Variants in TRIM47 observed in about 807,000 individuals in gnomAD.
TRIM47 encodes the protein tripartite motif containing 47, also known as E3 ubiquitin-protein ligase TRIM47.
In TRIM47, 46 loss-of-function variants were observed where a neutral mutation model predicts 54.4. The ratio of observed to expected loss-of-function variants is 0.84; its 90% CI spans 0.67 to 1.08. The LOEUF is 1.08. TRIM47 is among the 50% of genes least tolerant of loss of function. The pLI, the probability that TRIM47 is intolerant of heterozygous loss-of-function variation, is 0.00. For missense variants in TRIM47, 825 were observed against 910.1 expected (o/e 0.91, Z 1.20); for synonymous variants, 392 against 410.2 (o/e 0.96, Z 0.54).
At chr17:75,876,967 C>G (rs1164629340) in intron 1 of TRIM47, 154 bp from the exon 2 acceptor site, 10 of 698,446 alleles carry the variant, frequency 1.4e-5, no homozygotes, top group African/African-American at 1.8e-5. Flanking sequence ...CCATAATATG[C>G]CAGAGGTGCC....
At position 75,875,922 on chromosome 17, in the gene TRIM47, G is replaced by A. The variant is rs1464124430; in HGVS notation, c.1180C>T (p.Pro394Ser). 2 of 1,612,132 alleles carry A rather than the reference G, an allele frequency of 1.2e-6. No individual in the cohort carries two copies. Among genetic ancestry groups the A allele is most frequent in the African/African-American group, 2.7e-5 (2 of 75,062 alleles). Reference sequence around the variant, plus strand: ...CCACCTTCCGAGTCCAGCTTCTGTGGCCCATCCTCGTTGCCACCCGGCCCC... The same window carrying A: ...CCACCTTCCGAGTCCAGCTTCTGTGACCCATCCTCGTTGCCACCCGGCCCC... ...LRGPGGNEDGPQKLDSEADAE... is the reference protein window; with the variant it reads ...LRGPGGNEDGSQKLDSEADAE... The change falls in exon 4 of 6, where the codon CCA becomes TCA. Residue 394 changes from proline to serine, a missense_variant. Transcript: ENST00000254816. The surrounding 1 kb of genome is among the most constrained non-coding windows in gnomAD (Gnocchi z 6.1).
rs1297002009 is a variant in TRIM47, at chr17:75,878,385, G to A, written c.164C>T (p.Pro55Leu). The stretch of plus-strand genomic sequence containing the variant: ...GTCGGGGAAGGGCTCCTGGCACAGC[G>A]GGCAGCGGGCCGCGCCTCCGGGTCC... ...AGGPGGAARCPLCQEPFPDGL... is the reference protein window; with the variant it reads ...AGGPGGAARCLLCQEPFPDGL... Residue 55 changes from proline (P) to leucine (L), a missense_variant, in exon 1 of 6, where the codon CCG becomes CTG. By Grantham distance (98) the Pro-to-Leu change is moderately conservative. Coordinates refer to ENST00000254816, the MANE Select transcript of TRIM47 (RefSeq NM_033452.3). The A allele has an allele frequency of 7.1e-7, 1 of 1,411,672 alleles. No individual in the cohort carries two copies. The allele number at this position is 1,411,672 out of a possible 1,614,324, so 87.4% of individuals were successfully genotyped here. A position where few individuals can be genotyped will look rare whatever the true frequency, so the allele number is the denominator to read the frequency against.
Position 75,874,561 on chromosome 17 carries a change from G to T in TRIM47, c.1839C>A (p.Phe613Leu). ...GLFTHRLKPA[F>L]FLESVDAHLQ... is the part of the protein sequence containing the mutation. ...AGTGGGCGTCCACACTCTCCAGGAA[G>T]AAGGCAGGCTTGAGTCTGTGGGTGA... The change falls in exon 6 of 6, where the codon TTC (phenylalanine) becomes TTA (leucine). Residue 613 changes from phenylalanine to leucine, a missense_variant. Phe to Leu is a conservative substitution (Grantham distance 22). Coordinates refer to ENST00000254816, the MANE Select transcript of TRIM47 (RefSeq NM_033452.3). The surrounding 1 kb of genome is among the most constrained non-coding windows in gnomAD (Gnocchi z 6.2). 1.3e-6 allele frequency: 2 copies of T among 1,528,736 alleles called. No individual in the cohort carries two copies. Among genetic ancestry groups the T allele is most frequent in the Non-Finnish European group, 1.8e-6 (2 of 1,139,240 alleles). The allele number at this position is 1,528,736 out of a possible 1,614,324, so 94.7% of individuals were successfully genotyped here.
chr17:75,876,854 G>A lies in TRIM47; in HGVS notation c.676-41C>T, dbSNP rs377136760. 2.1e-5 allele frequency: 34 copies of A among 1,597,960 alleles called. No individual in the cohort carries two copies. In the African/African-American group the frequency reaches 3.8e-4, roughly 18 times the overall value. On this transcript the variant is annotated intron_variant, in intron 1 of 5. Coordinates refer to ENST00000254816, the MANE Select transcript of TRIM47 (RefSeq NM_033452.3). The stretch of plus-strand genomic sequence containing the variant: ...TCCATGAGTGTGAGGTCTGGCAGAG[G>A]CCACAGCCCTACACTCGGGTCCCAG...
At chr17:75,877,840 C>T in intron 1 of TRIM47, 34 bp downstream of exon 1, 1 of 1,299,290 alleles carries the variant, frequency 7.7e-7, no homozygotes, top group South Asian at 2.2e-5. Context: ...CGGTCACCAG[C>T]CCCGGCTCAC....
rs2065149227 is a variant in TRIM47 at position 75,878,423 on chromosome 17, C to T, written c.126G>A (p.Ala42=). 2 of 1,430,210 alleles carry T rather than the reference C, an allele frequency of 1.4e-6. No individual in the cohort carries two copies. The highest frequency in any genetic ancestry group is 1.8e-6 in the Non-Finnish European group (2 of 1,083,310). 88.6% of individuals were successfully genotyped at this position (1,430,210 alleles called of 1,614,324 possible). Residue 42 remains alanine, a synonymous_variant, in exon 1 of 6, where the codon GCG becomes GCA. Transcript: ENST00000254816. ...CLGALWPHRG[A]SGAGGPGGAA... ...CGCCTCCGGGTCCGCCGGCTCCACTCGCGCCACGATGCGGCCAGAGCGCGC... is the reference window on the plus strand; with the variant it reads ...CGCCTCCGGGTCCGCCGGCTCCACTTGCGCCACGATGCGGCCAGAGCGCGC...
rs144368754 is a variant in TRIM47 at position 75,876,787 on chromosome 17, G to T, written c.702C>A (p.Ala234=). 76 of 1,614,046 alleles carry T rather than the reference G, an allele frequency of 4.7e-5. No individual in the cohort carries two copies. Among genetic ancestry groups the T allele is most frequent in the Non-Finnish European group, 6.4e-5 (76 of 1,180,040 alleles). The change falls in exon 2 of 6, where the codon GCC becomes GCA. Residue 234 remains alanine (A), a synonymous_variant. Transcript: ENST00000254816. ...CCAGCTCGTCCATGCGGTCCTCCAC[G>T]GCGCTCAGGACTTTGGACTGCTCAG... ...QEAEQSKVLS[A]VEDRMDELGA... is the part of the protein sequence containing the mutation.
In TRIM47 at chr17:75,877,189, G is replaced by A. The variant is rs1298810500; in HGVS notation, c.676-376C>T. 1.8e-5 allele frequency: 5 copies of A among 285,018 alleles called. No individual in the cohort carries two copies. The East Asian group carries it at 3.6e-4, about 20-fold the overall frequency. The allele number at this position is 285,018 out of a possible 1,614,324, so 17.7% of individuals were successfully genotyped here. ...GGCGGCGGAGGGGTGACTGCACAAG[G>A]AGGCATTAAGCTGTCCTGAGGATCA... On this transcript the variant is annotated intron_variant, in intron 1 of 5. Coordinates refer to ENST00000254816, the MANE Select transcript of TRIM47 (RefSeq NM_033452.3).
Position 75,875,077 on chromosome 17 carries a change from C to T in TRIM47, c.1323G>A (p.Leu441=), listed in dbSNP as rs1398477144. 6.2e-7 allele frequency: 1 copy of T among 1,609,140 alleles called. No individual in the cohort carries two copies. Among genetic ancestry groups the T allele is most frequent in the Non-Finnish European group, 8.5e-7 (1 of 1,176,158 alleles). The part of the protein sequence containing the change: ...DLDSDTADKF[L]QLFGTKGVKR... The stretch of plus-strand genomic sequence containing the variant: ...TGACACCTTTGGTTCCAAACAGCTG[C>T]AGGAACTTGTCTGCTGTGTCGCTGT... Residue 441 remains leucine, a synonymous_variant, in exon 6 of 6, where the codon CTG becomes CTA. Transcript: ENST00000254816. The surrounding 1 kb of genome is among the most constrained non-coding windows in gnomAD (Gnocchi z 6.1).
At chr17:75,877,191 G>T in intron 1 of TRIM47, 1 of 279,054 alleles carries the variant, frequency 3.6e-6, no homozygotes, top group Non-Finnish European at 7.1e-6. Context: ...TGCACAAGGA[G>T]GCATTAAGCT....
At position 75,875,130 on chromosome 17, in the gene TRIM47, C is replaced by G; in HGVS notation, c.1277-7G>C. On this transcript the variant is annotated splice_region_variant and splice_polypyrimidine_tract_variant and intron_variant, in intron 5 of 5. Coordinates refer to ENST00000254816, the MANE Select transcript of TRIM47 (RefSeq NM_033452.3). This position sits in a 1 kb window ranked among gnomAD's most constrained non-coding sequence, Gnocchi z 6.1. ...AAATCCACAATATAGGCAACTGATC[C>G]CGTGGACAGAAGAGAGAGGCAGGGC... 6.3e-7 allele frequency: 1 copy of G among 1,580,402 alleles called. No homozygotes were observed. Among genetic ancestry groups the G allele is most frequent in the Non-Finnish European group, 8.6e-7 (1 of 1,160,074 alleles).
chr17:75,874,421 G>A lies in TRIM47; in HGVS notation c.*62C>T, dbSNP rs2065118793. 1 of 1,447,074 alleles carries A rather than the reference G, an allele frequency of 6.9e-7. No individual in the cohort carries two copies. Among genetic ancestry groups the A allele is most frequent in the Non-Finnish European group, 9.2e-7 (1 of 1,091,470 alleles). 89.6% of individuals were successfully genotyped at this position (1,447,074 alleles called of 1,614,324 possible). The stretch of plus-strand genomic sequence containing the variant: ...TGCTGGTGCCTTCCCAGACGAAGGA[G>A]AGGGCCCAGAGGAGGCAGCTTCCTG... On this transcript the variant is annotated 3_prime_UTR_variant, in exon 6 of 6. Coordinates refer to ENST00000254816, the MANE Select transcript of TRIM47 (RefSeq NM_033452.3). The surrounding 1 kb of genome is among the most constrained non-coding windows in gnomAD (Gnocchi z 6.2).
At chr17:75,876,913 A>G in intron 1 of TRIM47, 100 bp from the exon 2 acceptor site, 1 of 1,161,162 alleles carries the variant, frequency 8.6e-7, no homozygotes, top group Non-Finnish European at 1.2e-6. Context: ...GTGACTGGGG[A>G]GTGGTATCTG....
Position 75,876,802 on chromosome 17 carries a change from G to A in TRIM47, c.687C>T (p.Ser229=), listed in dbSNP as rs772108437. 4.3e-6 allele frequency: 7 copies of A among 1,614,028 alleles called. No individual in the cohort carries two copies. Among genetic ancestry groups the A allele is most frequent in the Non-Finnish European group, 5.9e-6 (7 of 1,180,020 alleles). The change falls in exon 2 of 6, where the codon TCC becomes TCT. Residue 229 remains serine (S), a synonymous_variant. Transcript: ENST00000254816. The part of the protein sequence containing the change: ...QERALQEAEQ[S]KVLSAVEDRM... Reference sequence around the variant, plus strand: ...GGTCCTCCACGGCGCTCAGGACTTTGGACTGCTCAGCCTGTGGACAACACC... The same window carrying A: ...GGTCCTCCACGGCGCTCAGGACTTTAGACTGCTCAGCCTGTGGACAACACC...
Position 75,877,859 on chromosome 17 carries a change from GCC to G in TRIM47, c.675+13_675+14del, listed in dbSNP as rs1227115465. 3.8e-6 allele frequency: 5 copies of G among 1,313,210 alleles called. No individual in the cohort carries two copies. Among genetic ancestry groups the G allele is most frequent in the Admixed American group, 4.0e-5 (1 of 25,058 alleles). 81.3% of individuals were successfully genotyped at this position (1,313,210 alleles called of 1,614,324 possible). A position where few individuals can be genotyped will look rare whatever the true frequency, so the allele number is the denominator to read the frequency against. On this transcript the variant is annotated intron_variant, in intron 1 of 5. Coordinates refer to ENST00000254816, the MANE Select transcript of TRIM47 (RefSeq NM_033452.3). ...CACCAGCCCCGGCTCACCCGAGTGT[GCC>G]CCCGGAGCCCACCTCCTGAAGCGCG...
chr17:75,878,463 C>G lies in TRIM47; in HGVS notation c.86G>C (p.Cys29Ser). The part of the protein sequence containing the change: ...PVTLPCGHNF[C>S]LACLGALWPH... Reference sequence around the variant, plus strand: ...CCAGAGCGCGCCCAGGCAGGCGAGACAGAAGTTGTGGCCGCAGGGCAGCGT... The same window carrying G: ...CCAGAGCGCGCCCAGGCAGGCGAGAGAGAAGTTGTGGCCGCAGGGCAGCGT... Residue 29 changes from cysteine (C) to serine (S), a missense_variant, in exon 1 of 6, where the codon TGT becomes TCT. Cys to Ser is a moderately radical substitution (Grantham distance 112). Coordinates refer to ENST00000254816, the MANE Select transcript of TRIM47 (RefSeq NM_033452.3). 7.0e-7 allele frequency: 1 copy of G among 1,424,370 alleles called. No homozygotes were observed. The highest frequency in any genetic ancestry group is 9.3e-7 in the Non-Finnish European group (1 of 1,077,570). 88.2% of individuals were successfully genotyped at this position (1,424,370 alleles called of 1,614,324 possible). A position where few individuals can be genotyped will look rare whatever the true frequency, so the allele number is the denominator to read the frequency against.
In TRIM47 at chr17:75,875,574, G is replaced by T; in HGVS notation, c.1202-100C>A. On this transcript the variant is annotated intron_variant, in intron 4 of 5. Transcript: ENST00000254816. The surrounding 1 kb of genome is among the most constrained non-coding windows in gnomAD (Gnocchi z 6.1). ...CCTTCACTTCCTCCCAGAGTCCAGA[G>T]CCACCAGGGAGCAAGCACCACCCAG... 3 of 1,115,828 alleles carry T rather than the reference G, an allele frequency of 2.7e-6. No homozygotes were observed. The highest frequency in any genetic ancestry group is 2.4e-5 in the East Asian group (1 of 41,122). 69.1% of individuals were successfully genotyped at this position (1,115,828 alleles called of 1,614,324 possible). A position where few individuals can be genotyped will look rare whatever the true frequency, so the allele number is the denominator to read the frequency against.
intron 2 of TRIM47, 89 bp from the exon 3 acceptor site, chr17:75,876,581 G>C: frequency 6.6e-7 from 1 of 1,504,662 alleles, no homozygotes; most frequent in Non-Finnish European, 9.0e-7. Context: ...GCTTCCCACC[G>C]GCCCTCTTGA....
Position 75,875,410 on chromosome 17 carries a change from A to T in TRIM47, c.1266T>A (p.Tyr422Ter). ...CGGGCGTCCACTTACACTTGAGGAA[A>T]TAGTCCCTGGGAGCTTCACTCTCCA... ...NLLESEAPRD[Y>*]FLKFAYIVDL... Residue 422 changes from tyrosine to a stop codon, truncating the protein, a stop_gained, in exon 5 of 6, where the codon TAT becomes TAA. Transcript: ENST00000254816. LOFTEE classifies it high-confidence loss of function. The surrounding 1 kb of genome is among the most constrained non-coding windows in gnomAD (Gnocchi z 6.1). The T allele has an allele frequency of 6.2e-7, 1 of 1,614,006 alleles. No homozygotes were observed. The highest frequency in any genetic ancestry group is 8.5e-7 in the Non-Finnish European group (1 of 1,179,948).
Sources: allele counts gnomAD v4.1 joint callset, GRCh38; gene constraint gnomAD v4.1.1; non-coding constraint Gnocchi (gnomAD v3.1); transcripts MANE v1.5; gene names NCBI Gene and HGNC (gene_info 2026-07-23, HGNC 2026-07-21).